HDAC9: variants seen among roughly 807,000 people sequenced by gnomAD.
HDAC9 encodes the protein histone deacetylase 9.
In HDAC9, 41 loss-of-function variants were observed where a neutral mutation model predicts 139.4. The observed-to-expected ratio is 0.29, with a 90% CI of 0.23 to 0.38. The LOEUF is 0.38. Among genes scored for constraint, HDAC9 ranks in the 10% least tolerant of loss-of-function variants. The pLI, the probability that HDAC9 is intolerant of heterozygous loss-of-function variation, is 1.00. For synonymous variants in HDAC9, 517 were observed against 476.2 expected (o/e 1.09, Z -1.12); for missense variants, 1,147 against 1,297.0 (o/e 0.88, Z 1.78).
At chr7:18,668,857 A>G in intron 12 of HDAC9, 1 of 983,770 alleles carries the variant, frequency 1.0e-6, no homozygotes, top group Non-Finnish European at 1.2e-6. Context: ...CCTTTCATAC[A>G]CTTGGCTTTG....
chr7:18,626,758 A>G (rs1250093584), intron 6 of HDAC9, among the ~76,000 whole-genome samples: 1 of 152,212 alleles, frequency 6.6e-6, no homozygotes, highest in African/African-American at 2.4e-5. Flanking sequence ...ACAGGAGTGA[A>G]AGCTATCTGC....
intron 21 of HDAC9, among the ~76,000 whole-genome samples, chr7:18,848,323 T>C (rs1797043745): frequency 6.6e-6 from 1 of 152,164 alleles, no homozygotes; most frequent in South Asian, 2.1e-4. Flanking sequence ...GGCACTGTTA[T>C]TGTCTAAATG....
At chr7:18,451,057 G>A (rs1399226203) in intron 1 of HDAC9, among the ~76,000 whole-genome samples, 1 of 152,134 alleles carries the variant, frequency 6.6e-6, no homozygotes, top group Non-Finnish European at 1.5e-5. Context: ...CCATTGTGGT[G>A]GTATTAAGAG....
chr7:18,936,287 G>GAA (rs11451343), intron 23 of HDAC9, among the ~76,000 whole-genome samples: 3 of 150,796 alleles, frequency 2.0e-5, no homozygotes, highest in African/African-American at 7.3e-5. Flanking sequence ...TTATTTCTGG[G>GAA]AAAAAAAAAC....
At chr7:18,784,878 A>G (rs1791563453) in intron 16 of HDAC9, among the ~76,000 whole-genome samples, 1 of 151,948 alleles carries the variant, frequency 6.6e-6, no homozygotes, top group Non-Finnish European at 1.5e-5. Context: ...CGTGTGTAGT[A>G]TGAACCCAAC....
intron 1 of HDAC9, among the ~76,000 whole-genome samples, chr7:18,452,782 C>A (rs1481295028): frequency 6.6e-6 from 1 of 152,150 alleles, no homozygotes; most frequent in Non-Finnish European, 1.5e-5. Flanking sequence ...GTAAGATGTG[C>A]CTTTTCTCTT....
At chr7:18,834,840 G>A (rs577941625) in intron 19 of HDAC9, among the ~76,000 whole-genome samples, 3 of 152,306 alleles carry the variant, frequency 2.0e-5, no homozygotes, top group Admixed American at 1.3e-4. Context: ...CTTCAAGAAA[G>A]CCAATTTATT....
intron 6 of HDAC9, among the ~76,000 whole-genome samples, chr7:18,615,902 G>A (rs1341422735): frequency 6.6e-6 from 1 of 152,098 alleles, no homozygotes; most frequent in Admixed American, 6.6e-5. Flanking sequence ...CACTGCTGGA[G>A]GTCATATGTC....
chr7:18,930,483 G>T (rs1057267289), intron 22 of HDAC9, among the ~76,000 whole-genome samples: 1 of 151,430 alleles, frequency 6.6e-6, no homozygotes, highest in Non-Finnish European at 1.5e-5. Flanking sequence ...ACACACACAC[G>T]TACACATGCC....
chr7:18,457,688 A>C (rs1251861867), intron 1 of HDAC9, among the ~76,000 whole-genome samples: 1 of 152,168 alleles, frequency 6.6e-6, no homozygotes, highest in African/African-American at 2.4e-5. Flanking sequence ...ACTGAATTTG[A>C]TGTTGTTGAG....
At chr7:18,968,523 G>T (rs978255420) in intron 24 of HDAC9, among the ~76,000 whole-genome samples, 1 of 152,082 alleles carries the variant, frequency 6.6e-6, no homozygotes, top group Non-Finnish European at 1.5e-5. Context: ...ACATTGGCCT[G>T]CAGGCAATGA....
intron 12 of HDAC9, among the ~76,000 whole-genome samples, chr7:18,721,496 T>C (rs1300801984): frequency 2.0e-5 from 3 of 152,202 alleles, no homozygotes; most frequent in Admixed American, 2.0e-4. Context: ...CTTTAAAGTG[T>C]TAAAACAATT....
intron 2 of HDAC9, among the ~76,000 whole-genome samples, chr7:18,551,173 C>G (rs1181509100): frequency 6.6e-6 from 1 of 152,008 alleles, no homozygotes; most frequent in Non-Finnish European, 1.5e-5. Context: ...TTAGTGTTGC[C>G]AACAACCAAT....
intron 23 of HDAC9, among the ~76,000 whole-genome samples, chr7:18,936,855 C>G (rs1438975039): frequency 6.6e-6 from 1 of 151,626 alleles, no homozygotes; most frequent in Non-Finnish European, 1.5e-5. Flanking sequence ...CAAAATGTAC[C>G]TTTTCTTCTG....
chr7:18,191,411 T>C (rs1790341325), intron 2 of HDAC9, among the ~76,000 whole-genome samples: 3 of 152,210 alleles, frequency 2.0e-5, no homozygotes, highest in African/African-American at 7.2e-5. Context: ...GTCTTATCAC[T>C]CTGTATCATA....
chr7:18,981,758 T>C (rs1784965935), intron 25 of HDAC9, among the ~76,000 whole-genome samples: 1 of 152,200 alleles, frequency 6.6e-6, no homozygotes, highest in African/African-American at 2.4e-5. Flanking sequence ...CTCCACCTTA[T>C]CACCCCTAAC....
intron 2 of HDAC9, among the ~76,000 whole-genome samples, chr7:18,272,773 G>T (rs1391512725): frequency 1.3e-5 from 2 of 152,022 alleles, no homozygotes; most frequent in Non-Finnish European, 2.9e-5. Flanking sequence ...TTCTAATCAA[G>T]ACCTTAACAA....
At chr7:18,830,589 CA>C in intron 19 of HDAC9, among the ~76,000 whole-genome samples, 1 of 152,174 alleles carries the variant, frequency 6.6e-6, no homozygotes, top group Non-Finnish European at 1.5e-5. Flanking sequence ...TGAGAGAGCA[CA>C]AACAAAGCCA....
chr7:18,817,380 C>A (rs1475228558), intron 17 of HDAC9, among the ~76,000 whole-genome samples: 1 of 152,022 alleles, frequency 6.6e-6, no homozygotes. Flanking sequence ...AAATATCACA[C>A]ACTCATTCCC....
Sources: allele counts gnomAD v4.1 joint callset (sites outside exome capture counted in the v4.1 genomes callset), GRCh38; gene constraint gnomAD v4.1.1; transcripts MANE v1.5; gene names NCBI Gene and HGNC (gene_info 2026-07-23, HGNC 2026-07-21).